The following SPEF2 variants were observed in gnomAD, a reference collection of about 807,000 sequenced individuals.
The protein encoded by SPEF2 is sperm flagella and cilia-associated protein 2.
A neutral mutation model predicts 224.6 loss-of-function variants in SPEF2; 187 were observed. That is an observed-to-expected ratio of 0.83 (90% CI 0.74 to 0.94). SPEF2 has a LOEUF of 0.94. Among genes scored for constraint, SPEF2 ranks in the 40% least tolerant of loss-of-function variants. The pLI, the probability that SPEF2 is intolerant of heterozygous loss-of-function variation, is 0.00. For synonymous variants in SPEF2, 715 were observed against 707.3 expected (o/e 1.01, Z -0.17); for missense variants, 2,170 against 2,135.6 (o/e 1.02, Z -0.32).
intron 33 of SPEF2, among the ~76,000 whole-genome samples, chr5:35,797,827 G>A (rs1008695255): frequency 6.6e-6 from 1 of 152,184 alleles, no homozygotes; most frequent in African/African-American, 2.4e-5. Flanking sequence ...CTGGAGGCCA[G>A]AAGCCCTGGC....
At chr5:35,794,999 C>T (rs569012055) in intron 32 of SPEF2, among the ~76,000 whole-genome samples, 1 of 152,220 alleles carries the variant, frequency 6.6e-6, no homozygotes, top group East Asian at 1.9e-4. Flanking sequence ...CACTTGCCAG[C>T]TCATTGCCCC....
intron 10 of SPEF2, among the ~76,000 whole-genome samples, chr5:35,673,318 A>G (rs1367352907): frequency 6.6e-6 from 1 of 152,188 alleles, no homozygotes; most frequent in Non-Finnish European, 1.5e-5. Context: ...GTGAACCTCA[A>G]ACTCCCCCTA....
Position 35,792,418 on chromosome 5 carries a change from G to T in SPEF2, c.4526G>T (p.Ser1509Ile), listed in dbSNP as rs1756094139. The change falls in exon 31 of 37, where the codon AGT becomes ATT. Residue 1509 changes from serine to isoleucine, a missense_variant. Ser to Ile is a moderately radical substitution (Grantham distance 142). Transcript: ENST00000356031. ...AACCTTGGCACAAACAACTTTCCTAGTAATTGGATGCACCTTACCCAACCT... is the reference window on the plus strand; with the variant it reads ...AACCTTGGCACAAACAACTTTCCTATTAATTGGATGCACCTTACCCAACCT... ...TLNLGTNNFP[S>I]NWMHLTQPEL... 1 of 1,613,644 alleles carries T rather than the reference G, an allele frequency of 6.2e-7. No homozygotes were observed. Among genetic ancestry groups the T allele is most frequent in the Non-Finnish European group, 8.5e-7 (1 of 1,179,802 alleles).
chr5:35,675,491 T>C (rs1219896935), intron 10 of SPEF2: 3 of 155,902 alleles, frequency 1.9e-5, no homozygotes, highest in African/African-American at 7.2e-5. Flanking sequence ...ATGGCTTTTG[T>C]AGACTAAGCC....
chr5:35,644,102 C>A (rs1207193765), intron 3 of SPEF2, among the ~76,000 whole-genome samples: 1 of 151,922 alleles, frequency 6.6e-6, no homozygotes, highest in Non-Finnish European at 1.5e-5. Flanking sequence ...AAATTTAACT[C>A]AGTGTAAAAA....
intron 24 of SPEF2, among the ~76,000 whole-genome samples, chr5:35,759,005 C>CAAAAAAAAAAAAA (rs57893412): frequency 1.9e-5 from 1 of 51,352 alleles, no homozygotes; most frequent in Non-Finnish European, 3.2e-5. Flanking sequence ...GACTCTGTCT[C>CAAAAAAAAAAAAA]AAAAAAAAAA....
At chr5:35,790,189 A>C in intron 30 of SPEF2, 2 of 698,056 alleles carry the variant, frequency 2.9e-6, no homozygotes, top group Non-Finnish European at 5.2e-6. Flanking sequence ...TCACATATGC[A>C]TGCAAAAATC....
intron 1 of SPEF2, among the ~76,000 whole-genome samples, chr5:35,621,908 G>T (rs1743575349): frequency 6.6e-6 from 1 of 152,108 alleles, no homozygotes; most frequent in Admixed American, 6.6e-5. Context: ...CTGCCCCTCT[G>T]GCCTACAGTA....
chr5:35,629,223 G>A (rs1028118286), intron 2 of SPEF2, among the ~76,000 whole-genome samples: 1 of 130,644 alleles, frequency 7.7e-6, no homozygotes, highest in Admixed American at 8.6e-5. Flanking sequence ...GTGTGATCTC[G>A]GCTCACTGCA....
chr5:35,762,705 T>C lies in SPEF2; in HGVS notation c.3621-817T>C, dbSNP rs189257209. Among the ~76,000 whole-genome samples the C allele has an allele frequency of 1.4e-3, 211 of 152,322 alleles. 1 individual carries two copies. The Middle Eastern group carries it at 0.041, about 29-fold the overall frequency. On this transcript the variant is annotated intron_variant, in intron 25 of 36. Coordinates refer to ENST00000356031, the MANE Select transcript of SPEF2 (RefSeq NM_024867.4). Reference sequence around the variant, plus strand: ...CCCAAGCTGATAGCCCTTTGCACTTTCTATTACTAAAGGGGGATTCCAGTC... The same window carrying C: ...CCCAAGCTGATAGCCCTTTGCACTTCCTATTACTAAAGGGGGATTCCAGTC...
chr5:35,669,889 AT>A, intron 9 of SPEF2, among the ~76,000 whole-genome samples, 169 bp from the exon 10 acceptor site: 1 of 152,056 alleles, frequency 6.6e-6, no homozygotes, highest in Middle Eastern at 3.4e-3. Flanking sequence ...AATCTCATAT[AT>A]ATTAGTCTTA....
At chr5:35,787,260 C>T (rs1005346360) in intron 30 of SPEF2, among the ~76,000 whole-genome samples, 11 of 141,052 alleles carry the variant, frequency 7.8e-5, no homozygotes, top group African/African-American at 1.6e-4. Flanking sequence ...GCTTCACACC[C>T]TTTTTTTTTT....
intron 30 of SPEF2, chr5:35,789,841 T>G (rs1385344328): frequency 4.3e-6 from 3 of 702,990 alleles, no homozygotes; most frequent in Non-Finnish European, 7.8e-6. Flanking sequence ...CTGCACATTA[T>G]GAACCAGTAT....
chr5:35,717,698 C>T (rs1215634740), intron 20 of SPEF2, among the ~76,000 whole-genome samples: 1 of 152,096 alleles, frequency 6.6e-6, no homozygotes, highest in African/African-American at 2.4e-5. Flanking sequence ...CCAGTTTCCA[C>T]ACAGGAAAAG....
At chr5:35,754,995 A>G in intron 24 of SPEF2, among the ~76,000 whole-genome samples, 1 of 152,258 alleles carries the variant, frequency 6.6e-6, no homozygotes, top group South Asian at 2.1e-4. Context: ...TGGCTCAGGC[A>G]TAGGCCAGAC....
At position 35,617,899 on chromosome 5, in the gene SPEF2, C is replaced by T; in HGVS notation, c.-99C>T. ...TTCCAGCCTGGATACGCTTCCATAG[C>T]AAAGGGTTGCCCTTGGCTACAGGAG... On this transcript the variant is annotated 5_prime_UTR_variant, in exon 1 of 37. Transcript: ENST00000356031. 8.4e-7 allele frequency: 1 copy of T among 1,184,702 alleles called. No individual in the cohort carries two copies. The highest frequency in any genetic ancestry group is 1.2e-6 in the Non-Finnish European group (1 of 812,740). 73.4% of individuals were successfully genotyped at this position (1,184,702 alleles called of 1,614,324 possible). A position where few individuals can be genotyped will look rare whatever the true frequency, so the allele number is the denominator to read the frequency against.
Position 35,773,883 on chromosome 5 carries a change from G to A in SPEF2, c.3950-10G>A. The A allele has an allele frequency of 6.2e-7, 1 of 1,609,292 alleles. No individual in the cohort carries two copies. Among genetic ancestry groups the A allele is most frequent in the Non-Finnish European group, 8.5e-7 (1 of 1,178,124 alleles). ...GTTAGTTTACTCAGCATGTTTCATT[G>A]CCCTTTCAGGTAAATCACCACCTAT... is the stretch of plus-strand genomic sequence containing the variant. On this transcript the variant is annotated splice_polypyrimidine_tract_variant and intron_variant, in intron 27 of 36. Transcript: ENST00000356031.
chr5:35,628,614 C>T (rs1318578139), intron 2 of SPEF2, 52 bp downstream of exon 2: 1 of 1,337,870 alleles, frequency 7.5e-7, no homozygotes, highest in Non-Finnish European at 1.1e-6. Context: ...TGTTTTGAGA[C>T]AAGGTCTTGT....
At chr5:35,629,782 A>G (rs372727229) in intron 2 of SPEF2, among the ~76,000 whole-genome samples, 10 of 152,128 alleles carry the variant, frequency 6.6e-5, no homozygotes, top group East Asian at 5.8e-4. Context: ...TTTTATATCA[A>G]TGGAATCACA....
Sources: allele counts gnomAD v4.1 joint callset (sites outside exome capture counted in the v4.1 genomes callset), GRCh38; gene constraint gnomAD v4.1.1; transcripts MANE v1.5; gene names NCBI Gene and HGNC (gene_info 2026-07-23, HGNC 2026-07-21).